Variants in SIPA1L1 observed in about 807,000 individuals in gnomAD.
SIPA1L1 encodes signal-induced proliferation-associated 1-like protein 1.
In SIPA1L1, 26 loss-of-function variants were observed where a neutral mutation model predicts 162.7. That is an observed-to-expected ratio of 0.16 (90% CI 0.12 to 0.22). SIPA1L1 has a LOEUF of 0.22. Ranked by LOEUF, SIPA1L1 falls within the 10% of genes least tolerant of loss-of-function variation. The pLI, the probability that SIPA1L1 is intolerant of heterozygous loss-of-function variation, is 1.00. For synonymous variants in SIPA1L1, 829 were observed against 837.4 expected, an observed-to-expected ratio of 0.99 and a Z score of 0.17; for missense variants, 1,874 against 2,241.0, an observed-to-expected ratio of 0.84 and a Z score of 3.31.
In SIPA1L1 at chr14:71,447,250, A is replaced by G. The variant is rs2045478101; in HGVS notation, c.-464-65493A>G. ...TTATGTTAGTATTGTAGTGAAAGGA[A>G]AATTTGTAGGATATAATAAAGAACA... On this transcript the variant is annotated intron_variant, in intron 2 of 23. Transcript: ENST00000381232. Among the ~76,000 whole-genome samples the G allele has an allele frequency of 2.0e-5, 3 of 152,184 alleles. No individual in the cohort carries two copies. In the South Asian group the frequency reaches 6.2e-4, roughly 32 times the overall value.
chr14:71,532,048 T>G (rs1213440759), intron 4 of SIPA1L1, among the ~76,000 whole-genome samples: 1 of 152,162 alleles, frequency 6.6e-6, no homozygotes, highest in Admixed American at 6.5e-5. Context: ...CATTTTTACT[T>G]AAATGTTTAA....
intron 2 of SIPA1L1, among the ~76,000 whole-genome samples, chr14:71,424,321 G>A (rs1080152): frequency 2.6e-5 from 4 of 152,096 alleles, no homozygotes; most frequent in African/African-American, 9.7e-5. Context: ...GAATAGAAGT[G>A]ATGAAAGCAT....
At position 71,552,517 on chromosome 14, in the gene SIPA1L1, G is replaced by A. The variant is rs376048999; in HGVS notation, c.-303+23147G>A. Among the ~76,000 whole-genome samples the A allele has an allele frequency of 3.8e-4, 57 of 151,064 alleles. No homozygotes were observed. In the South Asian group the frequency reaches 0.012, roughly 32 times the overall value. On this transcript the variant is annotated intron_variant, in intron 4 of 23. Transcript: ENST00000381232. ...CGACATTCTCCTGCCTCAGCCTCCCGAGTAGCTGGGACTACAGGCGCCCGC... is the reference window on the plus strand; with the variant it reads ...CGACATTCTCCTGCCTCAGCCTCCCAAGTAGCTGGGACTACAGGCGCCCGC...
chr14:71,734,061 G>A (rs964466799), intron 21 of SIPA1L1, among the ~76,000 whole-genome samples: 2 of 152,216 alleles, frequency 1.3e-5, no homozygotes, highest in African/African-American at 4.8e-5. Flanking sequence ...TCCGTATATG[G>A]GAAGGGCAAT....
intron 4 of SIPA1L1, among the ~76,000 whole-genome samples, chr14:71,542,295 TCTCCTCTTCCTCCTC>T (rs1327598710): frequency 1.0e-4 from 15 of 146,578 alleles, no homozygotes; most frequent in East Asian, 4.2e-4. Flanking sequence ...CTCTTCCTCT[TCTCCTCTTCCTCCTC>T]CTCCTCTTCC....
intron 2 of SIPA1L1, among the ~76,000 whole-genome samples, chr14:71,504,741 A>G (rs903713114): frequency 2.0e-5 from 3 of 152,200 alleles, no homozygotes; most frequent in African/African-American, 7.2e-5. Context: ...AAAAATGTGA[A>G]TTTTAGATCC....
chr14:71,467,892 A>G (rs969442777), intron 2 of SIPA1L1, among the ~76,000 whole-genome samples: 1 of 151,792 alleles, frequency 6.6e-6, no homozygotes, highest in African/African-American at 2.4e-5. Context: ...ATTGGCTTCT[A>G]TCATTTACCA....
chr14:71,538,957 A>T (rs2054138371), intron 4 of SIPA1L1, among the ~76,000 whole-genome samples: 1 of 152,222 alleles, frequency 6.6e-6, no homozygotes, highest in South Asian at 2.1e-4. Flanking sequence ...GCAGTCATAC[A>T]GGGTTGCTTT....
At chr14:71,526,442 T>C (rs997707704) in intron 3 of SIPA1L1, among the ~76,000 whole-genome samples, 3 of 152,206 alleles carry the variant, frequency 2.0e-5, no homozygotes, top group African/African-American at 7.2e-5. Flanking sequence ...AATCATACAG[T>C]ATATTCTTTC....
At chr14:71,398,479 G>A (rs2041405579) in intron 2 of SIPA1L1, 1 of 152,190 alleles carries the variant, frequency 6.6e-6, no homozygotes, top group Non-Finnish European at 1.5e-5. Context: ...AGAACTACAA[G>A]TCCTCCAAGT....
intron 12 of SIPA1L1, among the ~76,000 whole-genome samples, chr14:71,682,021 C>T (rs370530723): frequency 1.6e-4 from 25 of 152,250 alleles, no homozygotes; most frequent in East Asian, 3.9e-4. Context: ...GGAATGGTTT[C>T]GTTAATGGCT....
At chr14:71,733,351 T>C (rs1202269499) in intron 20 of SIPA1L1, among the ~76,000 whole-genome samples, 1 of 152,238 alleles carries the variant, frequency 6.6e-6, no homozygotes, top group Non-Finnish European at 1.5e-5. Flanking sequence ...AAGTAGATGC[T>C]AGTGCTGCCT....
At position 71,462,881 on chromosome 14, in the gene SIPA1L1, G is replaced by A. The variant is rs377209439; in HGVS notation, c.-464-49862G>A. ...ATGTATATTGCTGGCCTTGCCAGCTGAAGGCAAATTGCTTCAGATGGGCCA... is the reference window on the plus strand; with the variant it reads ...ATGTATATTGCTGGCCTTGCCAGCTAAAGGCAAATTGCTTCAGATGGGCCA... On this transcript the variant is annotated intron_variant, in intron 2 of 23. Transcript: ENST00000381232. 3.3e-5 allele frequency among the ~76,000 whole-genome samples: 5 copies of A among 152,372 alleles called. No homozygotes were observed. The East Asian group carries it at 5.8e-4, about 18-fold the overall frequency.
intron 2 of SIPA1L1, among the ~76,000 whole-genome samples, chr14:71,419,474 A>ATC (rs2043023054): frequency 1.6e-5 from 2 of 125,592 alleles, no homozygotes; most frequent in African/African-American, 3.0e-5. Flanking sequence ...CTCAAGGAGG[A>ATC]TCTCTCTTTT....
intron 19 of SIPA1L1, among the ~76,000 whole-genome samples, chr14:71,729,645 C>A (rs996765291): frequency 6.6e-6 from 1 of 152,164 alleles, no homozygotes; most frequent in Admixed American, 6.5e-5. Context: ...TTTGTTTAAT[C>A]CCTGTGGTAA....
intron 2 of SIPA1L1, among the ~76,000 whole-genome samples, chr14:71,342,859 A>G (rs1027411414): frequency 6.6e-6 from 1 of 152,216 alleles, no homozygotes; most frequent in Admixed American, 6.5e-5. Flanking sequence ...GGGTGGTTTT[A>G]TCTTAATCTC....
At chr14:71,320,703 T>TCC (rs140256891) in intron 1 of SIPA1L1, among the ~76,000 whole-genome samples, 200 bp downstream of exon 1, 11 of 91,278 alleles carry the variant, frequency 1.2e-4, no homozygotes, top group South Asian at 4.3e-4. Flanking sequence ...CACCTCCTCA[T>TCC]CCCCCCCCCG....
intron 2 of SIPA1L1, among the ~76,000 whole-genome samples, chr14:71,463,085 G>C (rs2046728293): frequency 6.6e-6 from 1 of 152,210 alleles, no homozygotes; most frequent in Non-Finnish European, 1.5e-5. Flanking sequence ...TATGTCTTCT[G>C]CGCAGGCCAA....
intron 2 of SIPA1L1, among the ~76,000 whole-genome samples, chr14:71,417,499 A>G (rs975142833): frequency 1.4e-5 from 2 of 146,962 alleles, no homozygotes; most frequent in East Asian, 2.0e-4. Flanking sequence ...AAAAAAAAAA[A>G]AAAAGAAAAT....
Sources: gnomAD v4.1 joint callset for allele counts (sites outside exome capture counted in the v4.1 genomes callset) on GRCh38, gnomAD v4.1.1 for gene constraint, MANE v1.5 for transcripts, NCBI Gene and HGNC (gene_info 2026-07-23, HGNC 2026-07-21) for gene names.